The following EPHA5 variants were observed in gnomAD, a reference collection of about 807,000 sequenced individuals.
EPHA5 encodes the protein EPH receptor A5, also known as ephrin type-A receptor 5.
In EPHA5, 60 loss-of-function variants were observed where a neutral mutation model predicts 105.0. The observed-to-expected ratio is 0.57, with a 90% CI of 0.46 to 0.71. The LOEUF is 0.71. EPHA5 is among the 30% of genes least tolerant of loss of function. The pLI is 0.00. For synonymous variants in EPHA5, 513 were observed against 449.1 expected (o/e 1.14, Z -1.80); for missense variants, 1,218 against 1,274.7 (o/e 0.96, Z 0.68).
At chr4:65,455,844 C>G (rs1190721795) in intron 5 of EPHA5, among the ~76,000 whole-genome samples, 1 of 152,124 alleles carries the variant, frequency 6.6e-6, no homozygotes, top group East Asian at 1.9e-4. Flanking sequence ...CACATAGGAT[C>G]GGTTTTCTTA....
At chr4:65,477,959 A>G (rs1187804990) in intron 5 of EPHA5, among the ~76,000 whole-genome samples, 1 of 152,182 alleles carries the variant, frequency 6.6e-6, no homozygotes, top group Non-Finnish European at 1.5e-5. Context: ...CTCTAAAGTC[A>G]TTGAACAAAA....
chr4:65,479,902 T>A (rs1032182076), intron 5 of EPHA5, among the ~76,000 whole-genome samples: 1 of 152,124 alleles, frequency 6.6e-6, no homozygotes, highest in African/African-American at 2.4e-5. Context: ...ATTAAAATGG[T>A]TGCTCTTTAG....
At chr4:65,414,615 A>C (rs1723219789) in intron 6 of EPHA5, among the ~76,000 whole-genome samples, 172 bp from the exon 7 acceptor site, 1 of 152,216 alleles carries the variant, frequency 6.6e-6, no homozygotes, top group Admixed American at 6.5e-5. Context: ...TTTACATAGA[A>C]TATTAAAGTC....
chr4:65,504,307 A>G (rs1024793924), intron 3 of EPHA5, among the ~76,000 whole-genome samples: 3 of 150,962 alleles, frequency 2.0e-5, no homozygotes, highest in African/African-American at 7.3e-5. Flanking sequence ...TATTTTTAAA[A>G]TAACAACTTC....
At chr4:65,457,763 T>C (rs571274072) in intron 5 of EPHA5, among the ~76,000 whole-genome samples, 17 of 152,234 alleles carry the variant, frequency 1.1e-4, no homozygotes, top group Middle Eastern at 3.4e-3. Context: ...AGTGTAGATA[T>C]TATGGCTAAT....
chr4:65,609,913 T>A lies in EPHA5; in HGVS notation c.247-7609A>T, dbSNP rs191530551. On this transcript the variant is annotated intron_variant, in intron 2 of 16. Transcript: ENST00000613740. ...ATATAGACTGATTATGTATTTATTA[T>A]GTATTTATTGCTATTCTACTTTTAA... Among the ~76,000 whole-genome samples, 5 of 152,288 alleles carry A rather than the reference T, an allele frequency of 3.3e-5. No homozygotes were observed. In the East Asian group the frequency reaches 7.7e-4, roughly 23 times the overall value.
chr4:65,411,705 T>C (rs1722925524), intron 7 of EPHA5, among the ~76,000 whole-genome samples: 1 of 152,146 alleles, frequency 6.6e-6, no homozygotes, highest in Non-Finnish European at 1.5e-5. Flanking sequence ...AATTGCCCAG[T>C]AAAATAATTA....
intron 1 of EPHA5, among the ~76,000 whole-genome samples, chr4:65,646,317 G>A (rs1748108890): frequency 6.6e-6 from 1 of 152,170 alleles, no homozygotes; most frequent in Non-Finnish European, 1.5e-5. Flanking sequence ...CCTCAGTTCA[G>A]AAGAGCTGAA....
chr4:65,510,784 A>C (rs185096925), intron 3 of EPHA5, among the ~76,000 whole-genome samples: 1 of 138,528 alleles, frequency 7.2e-6, no homozygotes, highest in East Asian at 1.9e-4. Context: ...CTGTTGAGGC[A>C]CTGGCATGTG....
Position 65,488,287 on chromosome 4 carries a change from A to G in EPHA5, c.1402+2090T>C, listed in dbSNP as rs576251957. Among the ~76,000 whole-genome samples the G allele has an allele frequency of 2.6e-5, 4 of 152,324 alleles. No individual in the cohort carries two copies. In the South Asian group the frequency reaches 6.2e-4, roughly 24 times the overall value. ...GTTATTTTCTCTACCTAGTTTATCAAAGGAATACCTTTCAAAGAAGTTAAG... is the reference window on the plus strand; with the variant it reads ...GTTATTTTCTCTACCTAGTTTATCAGAGGAATACCTTTCAAAGAAGTTAAG... On this transcript the variant is annotated intron_variant, in intron 5 of 16. Transcript: ENST00000613740.
At chr4:65,404,335 T>C (rs1367077421) in intron 8 of EPHA5, 39 bp downstream of exon 8, 1 of 1,550,606 alleles carries the variant, frequency 6.4e-7, no homozygotes, top group South Asian at 1.1e-5. Flanking sequence ...GAGGAAGAGA[T>C]CAGCTGCAGA....
chr4:65,485,880 T>C (rs1321873659), intron 5 of EPHA5, among the ~76,000 whole-genome samples: 1 of 152,176 alleles, frequency 6.6e-6, no homozygotes, highest in Non-Finnish European at 1.5e-5. Context: ...GTTTCTTCCC[T>C]GTCCCCTACA....
chr4:65,599,442 T>C (rs1272590568), intron 3 of EPHA5, among the ~76,000 whole-genome samples: 1 of 152,038 alleles, frequency 6.6e-6, no homozygotes, highest in East Asian at 1.9e-4. Context: ...GCTTTAGTTC[T>C]CCAAAGCAAG....
At chr4:65,555,076 A>C (rs1057306301) in intron 3 of EPHA5, among the ~76,000 whole-genome samples, 2 of 148,342 alleles carry the variant, frequency 1.3e-5, no homozygotes, top group Non-Finnish European at 3.0e-5. Context: ...AATCTTTTGA[A>C]TATCTATGTT....
chr4:65,323,890 C>T lies in EPHA5; in HGVS notation c.*224G>A. The T allele has an allele frequency of 2.7e-6, 1 of 376,216 alleles. No homozygotes were observed. The allele number at this position is 376,216 out of a possible 1,614,324, so 23.3% of individuals were successfully genotyped here. Reference sequence around the variant, plus strand: ...TTAAGATGATGTCTAACTTCATGTCCCTTTTAATGCAAGATATGTTTGCTT... The same window carrying T: ...TTAAGATGATGTCTAACTTCATGTCTCTTTTAATGCAAGATATGTTTGCTT... On this transcript the variant is annotated 3_prime_UTR_variant, in exon 17 of 17. Transcript: ENST00000613740.
intron 5 of EPHA5, among the ~76,000 whole-genome samples, chr4:65,428,092 C>A (rs557142490): frequency 6.6e-6 from 1 of 151,982 alleles, no homozygotes; most frequent in South Asian, 2.1e-4. Context: ...ATAAATAAAG[C>A]TACATATAGT....
intron 3 of EPHA5, among the ~76,000 whole-genome samples, chr4:65,562,653 T>C (rs1235001827): frequency 6.6e-6 from 1 of 152,050 alleles, no homozygotes; most frequent in African/African-American, 2.4e-5. Context: ...ATTCTTGACA[T>C]TCTGAAAGTT....
At chr4:65,367,993 T>TA (rs1718087106) in intron 8 of EPHA5, among the ~76,000 whole-genome samples, 1 of 152,034 alleles carries the variant, frequency 6.6e-6, no homozygotes, top group Non-Finnish European at 1.5e-5. Flanking sequence ...CTCTCTTCGT[T>TA]TTCTCAATAA....
At chr4:65,534,159 C>T (rs1394048449) in intron 3 of EPHA5, among the ~76,000 whole-genome samples, 1 of 152,042 alleles carries the variant, frequency 6.6e-6, no homozygotes, top group Non-Finnish European at 1.5e-5. Flanking sequence ...GTGGATCATA[C>T]TTTTCAAGTA....
Sources: allele counts gnomAD v4.1 joint callset (sites outside exome capture counted in the v4.1 genomes callset), GRCh38; gene constraint gnomAD v4.1.1; transcripts MANE v1.5; gene names NCBI Gene and HGNC (gene_info 2026-07-23, HGNC 2026-07-21).